ZNF610: variants seen among roughly 807,000 people sequenced by gnomAD.
ZNF610 encodes zink finger protein.
ZNF610 carries 14 observed loss-of-function variants against 14.1 expected under a neutral mutation model. The observed-to-expected ratio is 0.99, with a 90% CI of 0.65 to 1.55. The LOEUF (loss-of-function observed/expected upper bound fraction) is 1.55, where lower values mean the gene tolerates loss of function less well. ZNF610 is among the 40% of genes most tolerant of loss of function. The pLI is 0.00. For missense variants in ZNF610, 530 were observed against 558.0 expected (o/e 0.95, Z 0.51); for synonymous variants, 185 against 187.6 (o/e 0.99, Z 0.11).
At chr19:52,361,643 G>A (rs1985786403) in intron 5 of ZNF610, among the ~76,000 whole-genome samples, 1 of 150,736 alleles carries the variant, frequency 6.6e-6, no homozygotes, top group African/African-American at 2.4e-5. Flanking sequence ...TTTTTCAAAA[G>A]AGACAGAGGT....
chr19:52,338,935 T>C (rs368313497), intron 1 of ZNF610, among the ~76,000 whole-genome samples: 2 of 138,402 alleles, frequency 1.4e-5, no homozygotes, highest in Non-Finnish European at 3.2e-5. Flanking sequence ...GCCGGCCCGG[T>C]CTCTGAGTTC....
chr19:52,363,701 A>G (rs2560969), intron 5 of ZNF610, among the ~76,000 whole-genome samples: 72,387 of 152,008 alleles, frequency 0.48, 17,742 homozygotes, highest in South Asian at 0.62. Flanking sequence ...GCTGGTTACT[A>G]TTTGCATGGA....
intron 3 of ZNF610, among the ~76,000 whole-genome samples, chr19:52,352,612 A>T (rs1351200540): frequency 2.0e-5 from 3 of 152,098 alleles, no homozygotes; most frequent in Non-Finnish European, 4.4e-5. Flanking sequence ...CAATCCTGTC[A>T]TTCGTTAGTT....
At chr19:52,342,652 C>A (rs1371402842) in intron 1 of ZNF610, among the ~76,000 whole-genome samples, 2 of 151,482 alleles carry the variant, frequency 1.3e-5, no homozygotes, top group African/African-American at 4.9e-5. Flanking sequence ...CCTGAGTAGT[C>A]CCGAGCTGGG....
chr19:52,341,663 A>G (rs372692678), intron 1 of ZNF610, among the ~76,000 whole-genome samples: 5 of 148,728 alleles, frequency 3.4e-5, no homozygotes, highest in African/African-American at 7.5e-5. Context: ...GCCTCACTCT[A>G]TTGCACAGGC....
chr19:52,341,471 G>A (rs1252766869), intron 1 of ZNF610, among the ~76,000 whole-genome samples: 1 of 151,848 alleles, frequency 6.6e-6, no homozygotes. Context: ...CACCATGCGT[G>A]GCTAATTTTT....
At chr19:52,339,941 G>A (rs1984595915) in intron 1 of ZNF610, among the ~76,000 whole-genome samples, 1 of 152,194 alleles carries the variant, frequency 6.6e-6, no homozygotes, top group Non-Finnish European at 1.5e-5. Flanking sequence ...TTACAGGCGT[G>A]AGCCACCGAT....
intron 1 of ZNF610, among the ~76,000 whole-genome samples, chr19:52,339,289 C>G (rs1238934431): frequency 6.6e-6 from 1 of 151,898 alleles, no homozygotes; most frequent in African/African-American, 2.4e-5. Context: ...CTTCCTCTTT[C>G]ACTAATCCTC....
intron 1 of ZNF610, 39 bp from the exon 2 acceptor site, chr19:52,347,668 C>T (rs1985026153): frequency 1.3e-5 from 2 of 152,178 alleles, no homozygotes; most frequent in African/African-American, 4.8e-5. Context: ...AGATGTGTTC[C>T]ACCATGCCTT....
chr19:52,341,468 C>T (rs1350792624), intron 1 of ZNF610, among the ~76,000 whole-genome samples: 4 of 151,978 alleles, frequency 2.6e-5, no homozygotes, highest in South Asian at 2.1e-4. Flanking sequence ...CGCCACCATG[C>T]GTGGCTAATT....
chr19:52,367,594 T>TA lies in ZNF610; in HGVS notation c.*828dup, dbSNP rs1986172841. The TA allele has an allele frequency of 6.6e-5, 5 of 75,720 alleles. No homozygotes were observed. In the South Asian group the frequency reaches 1.8e-3, roughly 27 times the overall value. The allele number at this position is 75,720 out of a possible 1,614,324, so 4.7% of individuals were successfully genotyped here. ...TATGTGTGTGAGACATAAAACAACA[T>TA]ACGCTTCTGGGTGCAATATACTTAA... On this transcript the variant is annotated 3_prime_UTR_variant, in exon 6 of 6. Transcript: ENST00000403906.
At chr19:52,330,722 G>A in the ZNF610 span, among the ~76,000 whole-genome samples, 774 of 152,198 alleles carry the variant, frequency 5.1e-3, 20 homozygotes, top group East Asian at 0.073. Flanking sequence ...TACACCTCAC[G>A]CGACCTTCTG....
intron 1 of ZNF610, among the ~76,000 whole-genome samples, chr19:52,344,450 A>C (rs1056158981): frequency 3.3e-5 from 5 of 152,106 alleles, no homozygotes; most frequent in African/African-American, 4.8e-5. Flanking sequence ...CAAGGACCCA[A>C]GGGGAGAGAC....
At position 52,367,321 on chromosome 19, in the gene ZNF610, C is replaced by T. The variant is rs553027004; in HGVS notation, c.*554C>T. On this transcript the variant is annotated 3_prime_UTR_variant, in exon 6 of 6. Transcript: ENST00000403906. ...TGTATTTTTAGTCGAGACGGGGTTT[C>T]CCTCCGTTGGCCAGGCCGGTTTCAA... The T allele has an allele frequency of 1.3e-5, 2 of 152,612 alleles. No homozygotes were observed. The highest frequency in any genetic ancestry group is 4.8e-5 in the African/African-American group (2 of 41,566). The allele number at this position is 152,612 out of a possible 1,614,324, so 9.5% of individuals were successfully genotyped here. A position where few individuals can be genotyped will look rare whatever the true frequency, so the allele number is the denominator to read the frequency against.
Position 52,366,702 on chromosome 19 carries a change from C to T in ZNF610, c.1324C>T (p.His442Tyr), listed in dbSNP as rs1057355292. The change falls in exon 6 of 6, where the codon CAC becomes TAC. Residue 442 changes from histidine (H) to tyrosine (Y), a missense_variant. Coordinates refer to ENST00000403906, the MANE Select transcript of ZNF610 (RefSeq NM_001161425.2). Reference protein sequence around the residue: ...ACGKVFNQNPHLSRHRKIHAG... With the variant: ...ACGKVFNQNPYLSRHRKIHAG... ...TGGCAAGGTCTTCAATCAAAATCCA[C>T]ACCTTTCACGACATCGGAAAATTCA... is the stretch of plus-strand genomic sequence containing the variant. 5.0e-6 allele frequency: 8 copies of T among 1,614,120 alleles called. No homozygotes were observed. The African/African-American group carries it at 1.1e-4, about 22-fold the overall frequency.
chr19:52,359,408 T>C (rs571075885), intron 5 of ZNF610, among the ~76,000 whole-genome samples: 132 of 152,268 alleles, frequency 8.7e-4, no homozygotes, highest in Non-Finnish European at 1.1e-3. Flanking sequence ...TTCCACAAAA[T>C]TGCAGATCAG....
At chr19:52,338,549 G>A (rs1490614353) in intron 1 of ZNF610, among the ~76,000 whole-genome samples, 1 of 152,140 alleles carries the variant, frequency 6.6e-6, no homozygotes, top group Non-Finnish European at 1.5e-5. Flanking sequence ...GCTGCGCATG[G>A]TGGCGTGTGC....
intron 3 of ZNF610, among the ~76,000 whole-genome samples, chr19:52,352,589 T>C (rs1408591908): frequency 6.6e-6 from 1 of 152,172 alleles, no homozygotes; most frequent in Non-Finnish European, 1.5e-5. Context: ...AATGGCATTC[T>C]TTGTTATGGT....
At chr19:52,365,115 G>C (rs1054529075) in intron 5 of ZNF610, among the ~76,000 whole-genome samples, 3 of 152,040 alleles carry the variant, frequency 2.0e-5, no homozygotes, top group Admixed American at 6.6e-5. Context: ...GAACGTGGTG[G>C]CGTGCGCCTG....
Sources: allele counts gnomAD v4.1 joint callset (sites outside exome capture counted in the v4.1 genomes callset), GRCh38; gene constraint gnomAD v4.1.1; transcripts MANE v1.5; gene names NCBI Gene and HGNC (gene_info 2026-07-23, HGNC 2026-07-21).